The following CTNNA2 variants were observed in gnomAD, a reference collection of about 807,000 sequenced individuals.
CTNNA2 encodes the protein catenin alpha 2, also known as catenin alpha-2.
A neutral mutation model predicts 101.0 loss-of-function variants in CTNNA2; 42 were observed. The ratio of observed to expected loss-of-function variants is 0.42; its 90% CI spans 0.32 to 0.54. The LOEUF (loss-of-function observed/expected upper bound fraction) is 0.54, where lower values mean the gene tolerates loss of function less well. CTNNA2 is among the 20% of genes least tolerant of loss of function. CTNNA2 has a pLI of 0.14. For synonymous variants in CTNNA2, 450 were observed against 456.4 expected (o/e 0.99, Z 0.18); for missense variants, 871 against 1,223.1 (o/e 0.71, Z 4.29).
intron 7 of CTNNA2, among the ~76,000 whole-genome samples, chr2:80,387,562 A>C (rs1677132493): frequency 6.6e-6 from 1 of 152,166 alleles, no homozygotes; most frequent in Non-Finnish European, 1.5e-5. Flanking sequence ...TGTTGAAATA[A>C]AATATTGTTC....
intron 2 of CTNNA2, among the ~76,000 whole-genome samples, chr2:79,239,261 A>T (rs1053318889): frequency 6.6e-6 from 1 of 152,204 alleles, no homozygotes. Context: ...TGGTACAGAA[A>T]CCGACACATA....
At chr2:80,240,090 G>T (rs145236359) in intron 7 of CTNNA2, among the ~76,000 whole-genome samples, 2 of 152,222 alleles carry the variant, frequency 1.3e-5, no homozygotes, top group East Asian at 3.9e-4. Flanking sequence ...CTACCATATG[G>T]GCATCCTACA....
At chr2:80,338,489 A>G (rs1188471900) in intron 7 of CTNNA2, among the ~76,000 whole-genome samples, 1 of 152,122 alleles carries the variant, frequency 6.6e-6, no homozygotes, top group African/African-American at 2.4e-5. Flanking sequence ...GAGCAGTACA[A>G]ATAATATCAA....
intron 7 of CTNNA2, among the ~76,000 whole-genome samples, chr2:80,229,835 G>C (rs1358880671): frequency 6.6e-6 from 1 of 152,088 alleles, no homozygotes; most frequent in Non-Finnish European, 1.5e-5. Flanking sequence ...AACAGCAAAA[G>C]ACACTCCTTT....
intron 2 of CTNNA2, among the ~76,000 whole-genome samples, chr2:79,737,879 T>G (rs1425447947): frequency 6.6e-6 from 1 of 152,214 alleles, no homozygotes; most frequent in Admixed American, 6.5e-5. Flanking sequence ...CAAGACAAAG[T>G]GCCTTGATGC....
At chr2:80,425,434 T>C (rs1362454967) in intron 9 of CTNNA2, among the ~76,000 whole-genome samples, 2 of 152,210 alleles carry the variant, frequency 1.3e-5, no homozygotes. Flanking sequence ...CAGTTCTGAC[T>C]GAACTGAAAT....
At chr2:79,378,860 A>G (rs1310977855) in intron 4 of CTNNA2, among the ~76,000 whole-genome samples, 4 of 152,068 alleles carry the variant, frequency 2.6e-5, no homozygotes, top group East Asian at 3.9e-4. Flanking sequence ...TCTTGTCTCA[A>G]TCAAAACTCT....
chr2:80,434,786 A>G (rs936886137), intron 9 of CTNNA2, among the ~76,000 whole-genome samples: 5 of 152,022 alleles, frequency 3.3e-5, no homozygotes, highest in Non-Finnish European at 7.4e-5. Flanking sequence ...TAGGCAGAGA[A>G]TTGGGAAAGA....
chr2:79,350,253 A>G (rs1164592678), intron 3 of CTNNA2, among the ~76,000 whole-genome samples: 1 of 152,028 alleles, frequency 6.6e-6, no homozygotes, highest in African/African-American at 2.4e-5. Flanking sequence ...AATTTTATCC[A>G]ATAGGTAATT....
chr2:80,512,347 T>C (rs760338450), intron 9 of CTNNA2, among the ~76,000 whole-genome samples: 12 of 152,124 alleles, frequency 7.9e-5, no homozygotes, highest in Non-Finnish European at 1.5e-4. Flanking sequence ...CCTTATGTGC[T>C]GGGTAGTTCA....
chr2:80,163,658 G>T (rs1350867807), intron 7 of CTNNA2, among the ~76,000 whole-genome samples: 1 of 152,006 alleles, frequency 6.6e-6, no homozygotes, highest in Non-Finnish European at 1.5e-5. Flanking sequence ...TGGTACTGTT[G>T]AGTTCTTCTA....
rs189018365 is a variant in CTNNA2 at position 79,909,950 on chromosome 2, G to A, written c.1056+153G>A. Among the ~76,000 whole-genome samples, 155 of 152,298 alleles carry A rather than the reference G, an allele frequency of 1.0e-3. 1 individual carries two copies. The highest frequency in any genetic ancestry group is 3.6e-3 in the African/African-American group (150 of 41,560). On this transcript the variant is annotated intron_variant, in intron 7 of 18. Transcript: ENST00000402739. ...CCAAAGAACTGCTTTGGGAGAGCGC[G>A]TGTCGTGTGTGTTGTTTCTGAATCC...
chr2:80,052,994 C>T (rs1696978224), intron 7 of CTNNA2, among the ~76,000 whole-genome samples: 1 of 152,026 alleles, frequency 6.6e-6, no homozygotes, highest in Non-Finnish European at 1.5e-5. Context: ...TTTTTTCCTG[C>T]TTCATTTGTT....
At chr2:79,949,168 T>G (rs1412364630) in intron 7 of CTNNA2, among the ~76,000 whole-genome samples, 7 of 152,172 alleles carry the variant, frequency 4.6e-5, no homozygotes, top group Non-Finnish European at 8.8e-5. Flanking sequence ...TAATTATCTT[T>G]GCTTTGCATT....
intron 4 of CTNNA2, among the ~76,000 whole-genome samples, chr2:79,401,914 G>A (rs1228646703): frequency 1.3e-5 from 2 of 151,260 alleles, no homozygotes; most frequent in Non-Finnish European, 1.5e-5. Flanking sequence ...CTGTCCACAA[G>A]AGAAAAACTT....
At chr2:79,742,571 G>A (rs902851436) in intron 2 of CTNNA2, among the ~76,000 whole-genome samples, 1 of 152,136 alleles carries the variant, frequency 6.6e-6, no homozygotes, top group African/African-American at 2.4e-5. Flanking sequence ...ATGTTCATGT[G>A]TTAGAGTAAA....
chr2:80,067,377 A>T (rs1698056008), intron 7 of CTNNA2, among the ~76,000 whole-genome samples: 1 of 152,142 alleles, frequency 6.6e-6, no homozygotes, highest in Non-Finnish European at 1.5e-5. Flanking sequence ...TCAAAACATC[A>T]TGTTTTGAAT....
intron 1 of CTNNA2, among the ~76,000 whole-genome samples, chr2:79,633,091 A>C (rs1319250494): frequency 6.6e-6 from 1 of 152,216 alleles, no homozygotes; most frequent in Non-Finnish European, 1.5e-5. Flanking sequence ...AAAAACAATC[A>C]GTCGTATTAT....
At chr2:79,598,453 C>T (rs1677340622) in intron 1 of CTNNA2, among the ~76,000 whole-genome samples, 1 of 152,194 alleles carries the variant, frequency 6.6e-6, no homozygotes, top group Non-Finnish European at 1.5e-5. Flanking sequence ...TCTTGTTGCT[C>T]CACATCCTCG....
Sources: allele counts gnomAD v4.1 joint callset (sites outside exome capture counted in the v4.1 genomes callset), GRCh38; gene constraint gnomAD v4.1.1; transcripts MANE v1.5; gene names NCBI Gene and HGNC (gene_info 2026-07-23, HGNC 2026-07-21).